Variants in PRDM2 observed in about 807,000 individuals in gnomAD.
PRDM2 encodes PR domain zinc finger protein 2.
Under a neutral mutation model 130.0 loss-of-function variants are expected in PRDM2, and 30 were observed. The ratio of observed to expected loss-of-function variants is 0.23; its 90% confidence interval spans 0.17 to 0.31. PRDM2 has a LOEUF of 0.31. PRDM2 is among the 10% of genes least tolerant of loss of function. The pLI, the probability that PRDM2 is intolerant of heterozygous loss-of-function variation, is 1.00. For missense variants in PRDM2, 2,011 were observed against 2,108.4 expected (o/e 0.95, Z 0.90); for synonymous variants, 871 against 782.4 (o/e 1.11, Z -1.89).
intron 6 of PRDM2, among the ~76,000 whole-genome samples, chr1:13,765,618 T>C (rs1418216314): frequency 6.6e-6 from 1 of 151,996 alleles, no homozygotes; most frequent in African/African-American, 2.4e-5. Flanking sequence ...GGCGCGGTGG[T>C]ACCGCGCCTG....
Position 13,823,104 on chromosome 1 carries a change from G to A in PRDM2, c.*24-55G>A, listed in dbSNP as rs1557683447. The A allele has an allele frequency of 3.3e-6, 5 of 1,520,886 alleles. No individual in the cohort carries two copies. The African/African-American group carries it at 4.1e-5, about 13-fold the overall frequency. The allele number at this position is 1,520,886 out of a possible 1,614,324, so 94.2% of individuals were successfully genotyped here. On this transcript the variant is annotated intron_variant, in intron 9 of 9. Transcript: ENST00000311066. Reference sequence around the variant, plus strand: ...GTGCAATAACGCATGGACCACCATGGTCGGCACTGAATGTGTGCTTACTGT... The same window carrying A: ...GTGCAATAACGCATGGACCACCATGATCGGCACTGAATGTGTGCTTACTGT...
At chr1:13,734,670 C>A (rs1643212571) in intron 4 of PRDM2, among the ~76,000 whole-genome samples, 1 of 152,054 alleles carries the variant, frequency 6.6e-6, no homozygotes, top group Admixed American at 6.5e-5. Context: ...TAAGATACTT[C>A]TTATATACTG....
At chr1:13,751,273 A>G (rs1021837380) in intron 6 of PRDM2, among the ~76,000 whole-genome samples, 8 of 152,086 alleles carry the variant, frequency 5.3e-5, no homozygotes, top group African/African-American at 1.9e-4. Flanking sequence ...TTATTATCCT[A>G]TTATTTTGTA....
At chr1:13,734,167 T>C (rs1273447458) in intron 4 of PRDM2, among the ~76,000 whole-genome samples, 1 of 152,250 alleles carries the variant, frequency 6.6e-6, no homozygotes, top group East Asian at 1.9e-4. Context: ...CATTCTGTTA[T>C]TTCACCACTT....
intron 8 of PRDM2, among the ~76,000 whole-genome samples, chr1:13,786,000 G>A (rs561679279): frequency 7.3e-5 from 11 of 151,616 alleles, no homozygotes; most frequent in African/African-American, 1.7e-4. Context: ...CACCATGCCC[G>A]GCTAATTTTT....
intron 6 of PRDM2, among the ~76,000 whole-genome samples, chr1:13,759,375 C>T (rs1250833133): frequency 6.6e-6 from 1 of 152,144 alleles, no homozygotes; most frequent in African/African-American, 2.4e-5. Context: ...GAATGGGCAA[C>T]AATGCAGTTT....
At chr1:13,770,620 G>A (rs1279129772) in intron 6 of PRDM2, among the ~76,000 whole-genome samples, 10 of 151,958 alleles carry the variant, frequency 6.6e-5, no homozygotes, top group Admixed American at 6.6e-4. Context: ...TGAGGTTTAT[G>A]CAAGGAGTGA....
intron 8 of PRDM2, among the ~76,000 whole-genome samples, chr1:13,793,420 G>A (rs1051024023): frequency 2.6e-5 from 4 of 152,344 alleles, no homozygotes; most frequent in South Asian, 2.1e-4. Flanking sequence ...TTAGTAGCCG[G>A]CCCCGGGTGG....
chr1:13,809,156 G>A (rs1215425728), intron 8 of PRDM2, among the ~76,000 whole-genome samples: 3 of 152,228 alleles, frequency 2.0e-5, no homozygotes, highest in African/African-American at 7.2e-5. Context: ...AGTGCAGGCT[G>A]GACTTGATGT....
At position 13,779,962 on chromosome 1, in the gene PRDM2, G is replaced by C. The variant is rs201228371; in HGVS notation, c.2167G>C (p.Ala723Pro). ...KLGPVCVSAP[A>P]SMLPVTSSRF... ...AGGTCCTGTTTGTGTGTCTGCTCCTGCATCAATGTTGCCTGTGACCTCAAG... is the reference window on the plus strand; with the variant it reads ...AGGTCCTGTTTGTGTGTCTGCTCCTCCATCAATGTTGCCTGTGACCTCAAG... The change falls in exon 8 of 10, where the codon GCA (alanine) becomes CCA (proline). Residue 723 changes from alanine to proline, a missense_variant. Around this residue, in one of 5 missense-constraint regions of PRDM2, gnomAD observed 1,288 missense variants for 1,237.7 expected, o/e 1.04. Coordinates refer to ENST00000311066, the MANE Select transcript of PRDM2 (RefSeq NM_001393986.1). The surrounding 1 kb of genome is among the most constrained non-coding windows in gnomAD (Gnocchi z 4.9). The C allele has an allele frequency of 1.2e-6, 2 of 1,614,234 alleles. No homozygotes were observed. The highest frequency in any genetic ancestry group is 2.2e-5 in the South Asian group (2 of 91,080).
In PRDM2 at chr1:13,789,068, C is replaced by A. The variant is rs78783750; in HGVS notation, c.5036+6237C>A. Among the ~76,000 whole-genome samples, 408 of 152,250 alleles carry A rather than the reference C, an allele frequency of 2.7e-3. 1 individual carries two copies. Among genetic ancestry groups the A allele is most frequent in the Admixed American group, 4.6e-3 (71 of 15,298 alleles). On this transcript the variant is annotated intron_variant, in intron 8 of 9. Transcript: ENST00000311066. ...GATGATGGCTCGGTCTCCACAGTGT[C>A]CCTGGCTCTGCCTGGAACATGACAG...
chr1:13,782,935 C>CTT, intron 8 of PRDM2, 104 bp downstream of exon 8: 1 of 1,556,770 alleles, frequency 6.4e-7, no homozygotes, highest in Non-Finnish European at 8.6e-7. Flanking sequence ...TTTTTCCCCA[C>CTT]TTAAAGGAAA....
intron 1 of PRDM2, 32 bp downstream of exon 1, chr1:13,700,332 G>C (rs1256898171): frequency 6.7e-6 from 1 of 149,128 alleles, no homozygotes; most frequent in East Asian, 2.0e-4. Flanking sequence ...CGGCCTCTGG[G>C]CTCGCGCCGG....
At chr1:13,727,956 C>T (rs1642977331) in intron 2 of PRDM2, among the ~76,000 whole-genome samples, 1 of 152,098 alleles carries the variant, frequency 6.6e-6, no homozygotes, top group African/African-American at 2.4e-5. Context: ...TGAAAACATT[C>T]CTTTGTTCCT....
intron 5 of PRDM2, among the ~76,000 whole-genome samples, chr1:13,745,037 C>A (rs2100517873): frequency 6.6e-6 from 1 of 152,316 alleles, no homozygotes; most frequent in South Asian, 2.1e-4. Context: ...AATCTGCTAT[C>A]TATTCATTTC....
At chr1:13,717,953 T>C (rs1642598492) in intron 2 of PRDM2, among the ~76,000 whole-genome samples, 1 of 152,342 alleles carries the variant, frequency 6.6e-6, no homozygotes, top group Non-Finnish European at 1.5e-5. Context: ...AGAATATTAG[T>C]TATATGCTGT....
chr1:13,773,331 G>A (rs1363730247), intron 7 of PRDM2, 143 bp downstream of exon 7: 1 of 461,876 alleles, frequency 2.2e-6, no homozygotes, highest in Non-Finnish European at 3.8e-6. Context: ...TAAATTTAAT[G>A]TGGTAAGCTG....
chr1:13,746,528 TTTTATTTATTTA>T (rs34775135), intron 5 of PRDM2, among the ~76,000 whole-genome samples: 33,294 of 146,392 alleles, frequency 0.23, 3,964 homozygotes, highest in Admixed American at 0.27. Flanking sequence ...TACTACTTGT[TTTTATTTATTTA>T]TTTATTTATT....
chr1:13,787,346 A>G, intron 8 of PRDM2: 1 of 985,036 alleles, frequency 1.0e-6, no homozygotes, highest in Non-Finnish European at 1.2e-6. Flanking sequence ...TCTCTAATAG[A>G]GATTAAAAAC....
Sources: gnomAD v4.1 joint callset for allele counts (sites outside exome capture counted in the v4.1 genomes callset) on GRCh38, gnomAD v4.1.1 for gene constraint, gnomAD v4.1.1 regional missense constraint, Gnocchi (gnomAD v3.1) non-coding constraint, MANE v1.5 for transcripts, NCBI Gene and HGNC (gene_info 2026-07-23, HGNC 2026-07-21) for gene names.